SH3BP4: variants seen among roughly 807,000 people sequenced by gnomAD.
SH3BP4 encodes the protein SH3 domain-binding protein 4.
SH3BP4 carries 33 observed loss-of-function variants against 65.5 expected under a neutral mutation model. That is an observed-to-expected ratio of 0.50 (90% CI 0.38 to 0.67). The LOEUF (loss-of-function observed/expected upper bound fraction) is 0.67, where lower values mean the gene tolerates loss of function less well. Among genes scored for constraint, SH3BP4 ranks in the 30% least tolerant of loss-of-function variants. The pLI, the probability that SH3BP4 is intolerant of heterozygous loss-of-function variation, is 0.00. For missense variants in SH3BP4, 1,134 were observed against 1,261.4 expected (o/e 0.90, Z 1.53); for synonymous variants, 552 against 545.5 (o/e 1.01, Z -0.17).
intron 4 of SH3BP4, among the ~76,000 whole-genome samples, chr2:235,051,010 GC>G (rs1251818052): frequency 6.6e-6 from 1 of 152,188 alleles, no homozygotes; most frequent in Non-Finnish European, 1.5e-5. Context: ...TCTCTGGGCT[GC>G]CTCAGGCCAC....
rs1692501584 is a variant in SH3BP4, at chr2:234,952,745, C to T, written c.-207+575C>T. 6.6e-6 allele frequency: 1 copy of T among 152,352 alleles called. No homozygotes were observed. Among genetic ancestry groups the T allele is most frequent in the African/African-American group, 2.4e-5 (1 of 41,582 alleles). 9.4% of individuals were successfully genotyped at this position (152,352 alleles called of 1,614,324 possible). ...TCCTGTGAGGATGAAATTGAAAACT[C>T]CGGTTTCTGGCTTGGCGATCGGGTG... On this transcript the variant is annotated intron_variant, in intron 1 of 5. Coordinates refer to ENST00000392011, the MANE Select transcript of SH3BP4 (RefSeq NM_014521.3). The surrounding 1 kb of genome is among the most constrained non-coding windows in gnomAD (Gnocchi z 6.5).
rs561641652 is a variant in SH3BP4 at position 234,952,327 on chromosome 2, G to A, written c.-207+157G>A. ...GCCGCCTGAGTTCGGGGCTGCGCGGGTGCCTGGGCGTGGGGCGGCTTCGGG... is the reference window on the plus strand; with the variant it reads ...GCCGCCTGAGTTCGGGGCTGCGCGGATGCCTGGGCGTGGGGCGGCTTCGGG... On this transcript the variant is annotated intron_variant, in intron 1 of 5. Coordinates refer to ENST00000392011, the MANE Select transcript of SH3BP4 (RefSeq NM_014521.3). This position sits in a 1 kb window ranked among gnomAD's most constrained non-coding sequence, Gnocchi z 6.5. Among the ~76,000 whole-genome samples, 17 of 150,696 alleles carry A rather than the reference G, an allele frequency of 1.1e-4. No homozygotes were observed. Among genetic ancestry groups the A allele is most frequent in the Middle Eastern group, 3.4e-3 (1 of 290 alleles).
chr2:235,053,739 C>T lies in SH3BP4; in HGVS notation c.2815C>T (p.Leu939=). Residue 939 remains leucine, a synonymous_variant, in exon 6 of 6, where the codon CTG becomes TTG. Coordinates refer to ENST00000392011, the MANE Select transcript of SH3BP4 (RefSeq NM_014521.3). ...GCGCTGGAAGCACCTCACTGGGACT[C>T]TGATCTTGGTGAACTCCCTGGACGT... The part of the protein sequence containing the change: ...TKRWKHLTGT[L]ILVNSLDVLR... 6.2e-7 allele frequency: 1 copy of T among 1,614,246 alleles called. No homozygotes were observed. The highest frequency in any genetic ancestry group is 8.5e-7 in the Non-Finnish European group (1 of 1,180,052).
chr2:235,042,336 C>G lies in SH3BP4; in HGVS notation c.1567C>G (p.Leu523Val), dbSNP rs1460749899. ...CAACCCTGCCCCGGTGGCCCTGCAG[C>G]TGTGGGGGAAGCACCAGTTCGTTTT... ...APNPAPVALQ[L>V]WGKHQFVLSR... The change falls in exon 4 of 6, where the codon CTG becomes GTG. Residue 523 changes from leucine (L) to valine (V), a missense_variant. Transcript: ENST00000392011. This position sits in a 1 kb window ranked among gnomAD's most constrained non-coding sequence, Gnocchi z 7.3. 6.2e-7 allele frequency: 1 copy of G among 1,614,208 alleles called. No individual in the cohort carries two copies. Among genetic ancestry groups the G allele is most frequent in the Non-Finnish European group, 8.5e-7 (1 of 1,180,044 alleles).
chr2:235,052,541 T>G lies in SH3BP4; in HGVS notation c.2479-21T>G, dbSNP rs1410207721. The G allele has an allele frequency of 1.3e-6, 2 of 1,533,358 alleles. No individual in the cohort carries two copies. Among genetic ancestry groups the G allele is most frequent in the African/African-American group, 1.4e-5 (1 of 72,732 alleles). The allele number at this position is 1,533,358 out of a possible 1,614,324, so 95.0% of individuals were successfully genotyped here. On this transcript the variant is annotated intron_variant, in intron 4 of 5. Transcript: ENST00000392011. This position sits in a 1 kb window ranked among gnomAD's most constrained non-coding sequence, Gnocchi z 5.0. ...CCCCACTCCCTACACTGTCTCACGC[T>G]GTGTGCCTCTTCCTCTGCAGGCCCT...
chr2:234,982,213 G>T (rs934790133), intron 1 of SH3BP4, among the ~76,000 whole-genome samples: 4 of 152,216 alleles, frequency 2.6e-5, no homozygotes, highest in African/African-American at 9.6e-5. Flanking sequence ...CCTGGTCTCT[G>T]GTGGTGCCTG....
chr2:235,039,241 G>A (rs1387782573), intron 3 of SH3BP4, among the ~76,000 whole-genome samples: 5 of 152,122 alleles, frequency 3.3e-5, no homozygotes, highest in Admixed American at 2.6e-4. Context: ...CCAGCTAAGC[G>A]CATCTCTGTA....
intron 1 of SH3BP4, among the ~76,000 whole-genome samples, chr2:234,964,117 T>A (rs754430855): frequency 6.6e-6 from 1 of 152,170 alleles, no homozygotes; most frequent in Non-Finnish European, 1.5e-5. Context: ...ATAGGTAACA[T>A]GAGGCAGCAC....
At chr2:234,983,614 G>T (rs1260260057) in intron 1 of SH3BP4, among the ~76,000 whole-genome samples, 1 of 152,208 alleles carries the variant, frequency 6.6e-6, no homozygotes, top group Non-Finnish European at 1.5e-5. Context: ...GACTTTGCAG[G>T]TGTGATTCAT....
chr2:235,049,586 C>T (rs1031003287), intron 4 of SH3BP4, among the ~76,000 whole-genome samples: 46 of 152,196 alleles, frequency 3.0e-4, no homozygotes, highest in African/African-American at 1.1e-3. Flanking sequence ...CCTCCTGACA[C>T]GTGAATACAC....
At chr2:234,971,708 A>G (rs539209770) in intron 1 of SH3BP4, among the ~76,000 whole-genome samples, 321 of 152,312 alleles carry the variant, frequency 2.1e-3, no homozygotes, top group African/African-American at 7.3e-3. Context: ...GTGGTCTCCC[A>G]CAGTGTTTTT....
intron 1 of SH3BP4, among the ~76,000 whole-genome samples, chr2:234,970,861 G>A (rs562197816): frequency 6.6e-6 from 1 of 151,282 alleles, no homozygotes; most frequent in Admixed American, 6.6e-5. Context: ...TTTTTTAACT[G>A]CGTTGGAATT....
chr2:234,969,975 A>T (rs1559226676), intron 1 of SH3BP4, among the ~76,000 whole-genome samples: 1 of 151,562 alleles, frequency 6.6e-6, no homozygotes, highest in East Asian at 1.9e-4. Flanking sequence ...ACACACTCTC[A>T]CACACACTCC....
At chr2:235,047,959 CAA>C (rs1161005308) in intron 4 of SH3BP4, among the ~76,000 whole-genome samples, 1 of 152,076 alleles carries the variant, frequency 6.6e-6, no homozygotes, top group Non-Finnish European at 1.5e-5. Flanking sequence ...GGAATAAACC[CAA>C]AGAGACTTGA....
rs552364034 is a variant in SH3BP4 at position 235,052,852 on chromosome 2, G to T, written c.2667+102G>T. On this transcript the variant is annotated intron_variant, in intron 5 of 5. Transcript: ENST00000392011. This position sits in a 1 kb window ranked among gnomAD's most constrained non-coding sequence, Gnocchi z 5.0. ...AAAAGTCTTGCCTCGCGGCATTTCT[G>T]TGAGGGTGCAACAGGTGGAAATGTG... The T allele has an allele frequency of 4.3e-6, 5 of 1,158,020 alleles. No homozygotes were observed. The African/African-American group carries it at 6.1e-5, about 14-fold the overall frequency. The allele number at this position is 1,158,020 out of a possible 1,614,324, so 71.7% of individuals were successfully genotyped here.
chr2:234,993,972 A>G (rs112608777), intron 1 of SH3BP4, among the ~76,000 whole-genome samples: 3 of 152,202 alleles, frequency 2.0e-5, no homozygotes, highest in African/African-American at 4.8e-5. Flanking sequence ...GTTTGTGCAT[A>G]TATTTTGTCA....
In SH3BP4 at chr2:235,001,028, C is replaced by T. The variant is rs575581003; in HGVS notation, c.-133+5652C>T. 6.8e-4 allele frequency among the ~76,000 whole-genome samples: 104 copies of T among 152,380 alleles called. 2 individuals are homozygous for T. In the South Asian group the frequency reaches 0.021, roughly 30 times the overall value. On this transcript the variant is annotated intron_variant, in intron 2 of 5. Transcript: ENST00000392011. ...GCCCATAAATCCCGTTTACACGGTGCCCACTTTTGTGTCTGAGCTGGGACG... is the reference window on the plus strand; with the variant it reads ...GCCCATAAATCCCGTTTACACGGTGTCCACTTTTGTGTCTGAGCTGGGACG...
Position 234,974,350 on chromosome 2 carries a change from C to T in SH3BP4, c.-206-20953C>T, listed in dbSNP as rs190545690. 7.9e-5 allele frequency among the ~76,000 whole-genome samples: 12 copies of T among 151,720 alleles called. No homozygotes were observed. The highest frequency in any genetic ancestry group is 3.3e-4 in the Admixed American group (5 of 15,244). On this transcript the variant is annotated intron_variant, in intron 1 of 5. Coordinates refer to ENST00000392011, the MANE Select transcript of SH3BP4 (RefSeq NM_014521.3). This position sits in a 1 kb window ranked among gnomAD's most constrained non-coding sequence, Gnocchi z 4.6. The stretch of plus-strand genomic sequence containing the variant: ...ATTGCACTCCAGCCTGGGCAAAGAG[C>T]GAAACTCTGTCTAAAAAAAAATAAA...
At chr2:235,051,082 T>A (rs1443111705) in intron 4 of SH3BP4, among the ~76,000 whole-genome samples, 1 of 152,018 alleles carries the variant, frequency 6.6e-6, no homozygotes, top group African/African-American at 2.4e-5. Context: ...AGGGTGGGGG[T>A]GAGCTGTGCC....
Sources: gnomAD v4.1 joint callset for allele counts (sites outside exome capture counted in the v4.1 genomes callset) on GRCh38, gnomAD v4.1.1 for gene constraint, Gnocchi (gnomAD v3.1) non-coding constraint, MANE v1.5 for transcripts, NCBI Gene and HGNC (gene_info 2026-07-23, HGNC 2026-07-21) for gene names.